Variants in CREBRF observed in about 807,000 individuals in gnomAD.
CREBRF encodes the protein CREB3 regulatory factor, also known as UPF0474 protein C5orf41.
In CREBRF, 5 loss-of-function variants were observed where a neutral mutation model predicts 66.1. The ratio of observed to expected loss-of-function variants is 0.08; its 90% CI spans 0.04 to 0.16. The LOEUF (loss-of-function observed/expected upper bound fraction) is 0.16, where lower values mean the gene tolerates loss of function less well. Ranked by LOEUF, CREBRF falls within the 10% of genes least tolerant of loss-of-function variation. The pLI, the probability that CREBRF is intolerant of heterozygous loss-of-function variation, is 1.00. For synonymous variants in CREBRF, 229 were observed against 264.4 expected, an observed-to-expected ratio of 0.87 and a Z score of 1.30; for missense variants, 531 against 744.9, an observed-to-expected ratio of 0.71 and a Z score of 3.34.
rs953107348 is a variant in CREBRF, at chr5:173,058,508, G to T, written c.-192+2029G>T. On this transcript the variant is annotated intron_variant, in intron 1 of 8. Coordinates refer to ENST00000296953, the MANE Select transcript of CREBRF (RefSeq NM_153607.3). ...TTTTTTTTTTTTTTAATTTGAGACG[G>T]AGTCTCGCTCTGTCGCCCAGGCTGG... is the stretch of plus-strand genomic sequence containing the variant. 2.0e-5 allele frequency among the ~76,000 whole-genome samples: 3 copies of T among 151,600 alleles called. No individual in the cohort carries two copies. In the South Asian group the frequency reaches 6.2e-4, roughly 32 times the overall value.
At chr5:173,067,305 G>C (rs1248249051) in intron 1 of CREBRF, among the ~76,000 whole-genome samples, 1 of 152,132 alleles carries the variant, frequency 6.6e-6, no homozygotes, top group African/African-American at 2.4e-5. Flanking sequence ...AAGTTGAGTT[G>C]CAGAGCTGTC....
chr5:173,064,590 G>A (rs1164986997), intron 1 of CREBRF, among the ~76,000 whole-genome samples: 1 of 131,938 alleles, frequency 7.6e-6, no homozygotes, highest in African/African-American at 2.9e-5. Context: ...TTTTGAGACA[G>A]AGTCTCGCTC....
chr5:173,074,882 A>C (rs1757714281), intron 1 of CREBRF, among the ~76,000 whole-genome samples: 1 of 151,948 alleles, frequency 6.6e-6, no homozygotes, highest in Admixed American at 6.5e-5. Context: ...CATCCTCCCA[A>C]AGTGTTGGGA....
chr5:173,115,013 C>G (rs566932844), intron 7 of CREBRF, among the ~76,000 whole-genome samples: 1 of 152,232 alleles, frequency 6.6e-6, no homozygotes, highest in South Asian at 2.1e-4. Flanking sequence ...CTCCCTGCCC[C>G]GTAATGTGTT....
chr5:173,080,528 G>T, intron 1 of CREBRF, 57 bp from the exon 2 acceptor site: 5 of 517,302 alleles, frequency 9.7e-6, no homozygotes, highest in South Asian at 9.0e-5. Flanking sequence ...CTTTTTTTTT[G>T]AAACATCAAC....
intron 1 of CREBRF, among the ~76,000 whole-genome samples, chr5:173,070,105 C>T (rs1357090635): frequency 6.6e-6 from 1 of 152,040 alleles, no homozygotes; most frequent in East Asian, 1.9e-4. Flanking sequence ...GTTGGCCAGG[C>T]TGGTCTTGAA....
chr5:173,120,416 G>A (rs1759111798), intron 7 of CREBRF, among the ~76,000 whole-genome samples: 1 of 146,322 alleles, frequency 6.8e-6, no homozygotes, highest in African/African-American at 2.5e-5. Context: ...ATCTCACTCT[G>A]TTGCTCAGGC....
At chr5:173,085,295 T>A in intron 2 of CREBRF, 2 of 737,636 alleles carry the variant, frequency 2.7e-6, no homozygotes, top group South Asian at 3.4e-5. Context: ...TTTAGTATGA[T>A]GTCAACACCA....
At chr5:173,106,445 G>A (rs1758753447) in intron 4 of CREBRF, among the ~76,000 whole-genome samples, 1 of 151,908 alleles carries the variant, frequency 6.6e-6, no homozygotes, top group African/African-American at 2.4e-5. Context: ...AAAAAGAAGA[G>A]CCTAAGGGTC....
rs55729857 is a variant in CREBRF at position 173,090,893 on chromosome 5, A to G, written c.714A>G (p.Ala238=). The G allele has an allele frequency of 4.2e-3, 6,849 of 1,614,224 alleles. 26 individuals carry two copies. Among genetic ancestry groups the G allele is most frequent in the Non-Finnish European group, 5.1e-3 (6,050 of 1,180,036 alleles). ...HVECKDYVKK[A]KVKINPVQQS... ...AATGTAAAGACTATGTAAAAAAGGC[A>G]AAGGTAAAGATCAACCCAGTGCAAC... is the stretch of plus-strand genomic sequence containing the variant. Residue 238 remains alanine, a synonymous_variant, in exon 4 of 9, where the codon GCA becomes GCG. Transcript: ENST00000296953. This position sits in a 1 kb window ranked among gnomAD's most constrained non-coding sequence, Gnocchi z 4.5.
At chr5:173,093,283 C>T (rs756374786) in intron 4 of CREBRF, among the ~76,000 whole-genome samples, 14 of 152,158 alleles carry the variant, frequency 9.2e-5, no homozygotes, top group Non-Finnish European at 1.8e-4. Context: ...ATATTATCTA[C>T]CTGACTTTTG....
At chr5:173,085,914 C>T in intron 2 of CREBRF, 1 of 984,494 alleles carries the variant, frequency 1.0e-6, no homozygotes, top group South Asian at 1.3e-5. Context: ...GTCTTTGGGA[C>T]AGTTAGGCAC....
At chr5:173,085,609 G>A (rs1476652291) in intron 2 of CREBRF, 1 of 577,184 alleles carries the variant, frequency 1.7e-6, no homozygotes, top group Non-Finnish European at 3.1e-6. Flanking sequence ...TAGAGACAGG[G>A]CTTCACCATC....
chr5:173,109,531 C>T (rs1256615457), intron 5 of CREBRF: 1 of 152,062 alleles, frequency 6.6e-6, no homozygotes, highest in African/African-American at 2.4e-5. Flanking sequence ...ATTGTGAACT[C>T]AGGAAGCTGT....
rs895062620 is a variant in CREBRF, at chr5:173,084,317, A to AAAC, written c.10-2167_10-2165dup. ...ACTCCCCTCAAAAAAAGAGGAGGAA[A>AAAC]AACAACAACAACAACAACACACCAA... On this transcript the variant is annotated intron_variant, in intron 2 of 8. Transcript: ENST00000296953. Among the ~76,000 whole-genome samples the AAAC allele has an allele frequency of 3.9e-5, 6 of 152,156 alleles. No individual in the cohort carries two copies. The East Asian group carries it at 5.8e-4, about 15-fold the overall frequency.
At position 173,136,748 on chromosome 5, in the gene CREBRF, G is replaced by A. The variant is rs2113820941; in HGVS notation, c.*3003G>A. 1 of 152,360 alleles carries A rather than the reference G, an allele frequency of 6.6e-6. No individual in the cohort carries two copies. The highest frequency in any genetic ancestry group is 1.9e-4 in the East Asian group (1 of 5,194). 9.4% of individuals were successfully genotyped at this position (152,360 alleles called of 1,614,324 possible). ...TGTAAAAACCCCAACAATTGTACAT[G>A]TTCTGTTTTTGAAAATTGTGGCATG... On this transcript the variant is annotated 3_prime_UTR_variant, in exon 9 of 9. Transcript: ENST00000296953.
chr5:173,108,963 C>T (rs1758811104), intron 5 of CREBRF, 145 bp downstream of exon 5: 1 of 668,514 alleles, frequency 1.5e-6, no homozygotes, highest in Non-Finnish European at 2.5e-6. Context: ...ATTTGTGTGA[C>T]TACTCTTCGT....
At chr5:173,059,678 T>C (rs1308127792) in intron 1 of CREBRF, among the ~76,000 whole-genome samples, 3 of 152,344 alleles carry the variant, frequency 2.0e-5, no homozygotes, top group East Asian at 1.9e-4. Flanking sequence ...ACACTTTTCA[T>C]TGATACTTAG....
chr5:173,058,505 A>G (rs1757146109), intron 1 of CREBRF, among the ~76,000 whole-genome samples: 2 of 151,404 alleles, frequency 1.3e-5, no homozygotes, highest in South Asian at 2.1e-4. Context: ...TTAATTTGAG[A>G]CGGAGTCTCG....
Sources: gnomAD v4.1 joint callset for allele counts (sites outside exome capture counted in the v4.1 genomes callset) on GRCh38, gnomAD v4.1.1 for gene constraint, Gnocchi (gnomAD v3.1) non-coding constraint, MANE v1.5 for transcripts, NCBI Gene and HGNC (gene_info 2026-07-23, HGNC 2026-07-21) for gene names.